RYR3: variants seen among roughly 807,000 people sequenced by gnomAD.
The protein encoded by RYR3 is ryanodine receptor 3.
A neutral mutation model predicts 584.3 loss-of-function variants in RYR3; 207 were observed. That is an observed-to-expected ratio of 0.35 (90% CI 0.32 to 0.40). The LOEUF (loss-of-function observed/expected upper bound fraction) is 0.40. RYR3 is among the 10% of genes least tolerant of loss of function. The pLI is 1.00. For missense variants in RYR3, 5,616 were observed against 6,089.2 expected (o/e 0.92, Z 2.59); for synonymous variants, 2,416 against 2,248.5 (o/e 1.07, Z -2.11).
chr15:33,638,995 A>T (rs2061652637), intron 27 of RYR3, among the ~76,000 whole-genome samples: 1 of 152,182 alleles, frequency 6.6e-6, no homozygotes, highest in Non-Finnish European at 1.5e-5. Context: ...TATAGGCTCA[A>T]ATACTGAGAC....
At chr15:33,756,420 T>G in intron 59 of RYR3, 47 bp downstream of exon 59, 8 of 1,362,704 alleles carry the variant, frequency 5.9e-6, no homozygotes, top group Non-Finnish European at 8.2e-6. Flanking sequence ...TTAGGATCTC[T>G]ACTATTTAGG....
At chr15:33,348,568 C>T (rs575032391) in intron 1 of RYR3, among the ~76,000 whole-genome samples, 1 of 152,156 alleles carries the variant, frequency 6.6e-6, no homozygotes, top group Admixed American at 6.5e-5. Flanking sequence ...CTTTGCCTCC[C>T]GGGTTCAAGC....
chr15:33,353,372 G>T (rs1973534116), intron 1 of RYR3, among the ~76,000 whole-genome samples: 1 of 152,204 alleles, frequency 6.6e-6, no homozygotes. Context: ...CAAAAGCAGA[G>T]AAACATGTTA....
In RYR3 at chr15:33,660,390, A is replaced by G; in HGVS notation, c.4589A>G (p.Gln1530Arg). ...GWVVQCLEPL[Q>R]MMALHIPEEN... ...GTGGTGCAGTGCCTGGAGCCCCTGC[A>G]GATGATGGCGCTCCACATCCCCGAG... Residue 1530 changes from glutamine to arginine, a missense_variant, in exon 34 of 104, where the codon CAG becomes CGG. By Grantham distance (43) the Gln-to-Arg change is conservative (BLOSUM62 1). Around this residue, in one of 9 missense-constraint regions of RYR3, gnomAD observed 753 missense variants for 741.0 expected, o/e 1.02. Coordinates refer to ENST00000634891, the MANE Select transcript of RYR3 (RefSeq NM_001036.6). 6.3e-7 allele frequency: 1 copy of G among 1,577,912 alleles called. No individual in the cohort carries two copies. The highest frequency in any genetic ancestry group is 1.3e-5 in the African/African-American group (1 of 74,306).
At chr15:33,464,114 G>A (rs2048257287) in intron 1 of RYR3, among the ~76,000 whole-genome samples, 1 of 145,544 alleles carries the variant, frequency 6.9e-6, no homozygotes, top group African/African-American at 2.4e-5. Flanking sequence ...GGTTATTAAT[G>A]AGGAGGAGAG....
rs2041904624 is a variant in RYR3, at chr15:33,390,254, C to T, written c.51+79158C>T. On this transcript the variant is annotated intron_variant, in intron 1 of 103. Transcript: ENST00000634891. This position sits in a 1 kb window ranked among gnomAD's most constrained non-coding sequence, Gnocchi z 4.2. ...ATTGGTATTGTATATTTAAAGCCAA[C>T]AAAATAAGAGTTTTTGTTTGTTTGT... Among the ~76,000 whole-genome samples the T allele has an allele frequency of 6.6e-6, 1 of 152,162 alleles. No individual in the cohort carries two copies. Among genetic ancestry groups the T allele is most frequent in the Admixed American group, 6.5e-5 (1 of 15,270 alleles).
chr15:33,615,665 G>A (rs952880886), intron 19 of RYR3, among the ~76,000 whole-genome samples: 1 of 152,182 alleles, frequency 6.6e-6, no homozygotes, highest in Admixed American at 6.5e-5. Context: ...TGCAGGCACT[G>A]TGTTCTAAGA....
chr15:33,699,985 G>A (rs2066181591), intron 41 of RYR3, among the ~76,000 whole-genome samples, 152 bp downstream of exon 41: 1 of 152,222 alleles, frequency 6.6e-6, no homozygotes, highest in Non-Finnish European at 1.5e-5. Flanking sequence ...AACAATTGAA[G>A]TAACGATGCC....
intron 69 of RYR3, among the ~76,000 whole-genome samples, chr15:33,807,194 C>G (rs732420): frequency 6.6e-6 from 1 of 152,266 alleles, no homozygotes; most frequent in East Asian, 1.9e-4. Context: ...CTATAGCCCA[C>G]CCAGGTGAAA....
At chr15:33,854,700 A>C (rs1197204973) in intron 97 of RYR3, 66 bp from the exon 98 acceptor site, 1 of 1,535,206 alleles carries the variant, frequency 6.5e-7, no homozygotes, top group African/African-American at 1.4e-5. Flanking sequence ...AAATAAGAAA[A>C]AATGTTTTAT....
chr15:33,430,079 A>C (rs1334989353), intron 1 of RYR3, among the ~76,000 whole-genome samples: 1 of 152,256 alleles, frequency 6.6e-6, no homozygotes, highest in Non-Finnish European at 1.5e-5. Context: ...AGCAAAAAAC[A>C]CGAAGAGGAG....
chr15:33,484,801 A>G (rs1027579164), intron 2 of RYR3, among the ~76,000 whole-genome samples: 6 of 152,218 alleles, frequency 3.9e-5, no homozygotes, highest in African/African-American at 1.4e-4. Flanking sequence ...TATGAACTAA[A>G]TTTTAGTCAT....
Position 33,613,055 on chromosome 15 carries a change from A to T in RYR3, c.2165-128A>T, listed in dbSNP as rs1057054670. On this transcript the variant is annotated intron_variant, in intron 18 of 103. Coordinates refer to ENST00000634891, the MANE Select transcript of RYR3 (RefSeq NM_001036.6). Reference sequence around the variant, plus strand: ...AAAAGGAAAGTTGCATTTCAAATGCAGTAGTACCTCCGGACCTCTTGAGTA... The same window carrying T: ...AAAAGGAAAGTTGCATTTCAAATGCTGTAGTACCTCCGGACCTCTTGAGTA... 4.7e-6 allele frequency: 3 copies of T among 640,516 alleles called. No individual in the cohort carries two copies. In the East Asian group the frequency reaches 8.3e-5, roughly 18 times the overall value. 39.7% of individuals were successfully genotyped at this position (640,516 alleles called of 1,614,324 possible).
rs943227207 is a variant in RYR3, at chr15:33,853,097, G to C, written c.13671+10G>C. The C allele has an allele frequency of 5.1e-6, 8 of 1,583,658 alleles. No homozygotes were observed. On this transcript the variant is annotated intron_variant, in intron 95 of 103. Transcript: ENST00000634891. The stretch of plus-strand genomic sequence containing the variant: ...GTTTGTAAAGAGAAAGGTATGCCTT[G>C]TTAGTGGGGGTGAGTTCCGTGATCA...
At chr15:33,478,114 G>A (rs1414234973) in intron 2 of RYR3, among the ~76,000 whole-genome samples, 2 of 151,708 alleles carry the variant, frequency 1.3e-5, no homozygotes, top group Non-Finnish European at 2.9e-5. Context: ...GGGTTGGGGG[G>A]GGTGGTTTGG....
chr15:33,654,522 A>G (rs559963718), intron 32 of RYR3, among the ~76,000 whole-genome samples: 3 of 152,148 alleles, frequency 2.0e-5, no homozygotes, highest in African/African-American at 7.2e-5. Flanking sequence ...AAAAAAAAAA[A>G]AGAATGAATT....
intron 38 of RYR3, among the ~76,000 whole-genome samples, chr15:33,692,647 C>T (rs1353348): frequency 0.59 from 87,937 of 149,226 alleles, 28,237 homozygotes; most frequent in South Asian, 0.74. Context: ...AACTGTACTT[C>T]AGCTTGGTCA....
At chr15:33,653,027 A>G in intron 32 of RYR3, 144 bp downstream of exon 32, 1 of 704,692 alleles carries the variant, frequency 1.4e-6, no homozygotes, top group South Asian at 2.7e-5. Flanking sequence ...TAGGACAACA[A>G]ATAAACAACA....
intron 38 of RYR3, among the ~76,000 whole-genome samples, 185 bp from the exon 39 acceptor site, chr15:33,696,033 A>T (rs577710100): frequency 4.9e-4 from 73 of 149,138 alleles, no homozygotes; most frequent in African/African-American, 1.7e-3. Flanking sequence ...AGGCTCAAGA[A>T]ATCCTTCAGC....
Sources: allele counts gnomAD v4.1 joint callset (sites outside exome capture counted in the v4.1 genomes callset), GRCh38; gene constraint gnomAD v4.1.1; regional missense constraint gnomAD v4.1.1; non-coding constraint Gnocchi (gnomAD v3.1); transcripts MANE v1.5; gene names NCBI Gene and HGNC (gene_info 2026-07-23, HGNC 2026-07-21).